ACOT7: variants seen among roughly 807,000 people sequenced by gnomAD.
ACOT7 encodes the protein cytosolic acyl coenzyme A thioester hydrolase.
Under a neutral mutation model 40.2 loss-of-function variants are expected in ACOT7, and 12 were observed. That is an observed-to-expected ratio of 0.30 (90% CI 0.19 to 0.48). The LOEUF is 0.48. Among genes scored for constraint, ACOT7 ranks in the 20% least tolerant of loss-of-function variants. ACOT7 has a pLI of 0.99. For missense variants in ACOT7, 395 were observed against 530.8 expected, an observed-to-expected ratio of 0.74 and a Z score of 2.51; for synonymous variants, 228 against 219.5, an observed-to-expected ratio of 1.04 and a Z score of -0.34.
intron 1 of ACOT7, among the ~76,000 whole-genome samples, chr1:6,366,562 G>A (rs562340624): frequency 1.3e-5 from 2 of 151,548 alleles, no homozygotes; most frequent in East Asian, 1.9e-4. Context: ...ACTCCAGCCC[G>A]GGTGACAGAG....
chr1:6,384,612 G>C (rs1036303625), intron 1 of ACOT7, among the ~76,000 whole-genome samples: 9 of 151,832 alleles, frequency 5.9e-5, no homozygotes, highest in African/African-American at 2.2e-4. Context: ...TTCAAGTAAA[G>C]TCTGGCACTA....
intron 1 of ACOT7, among the ~76,000 whole-genome samples, chr1:6,356,935 A>G (rs1385844295): frequency 7.2e-6 from 1 of 138,978 alleles, no homozygotes; most frequent in Middle Eastern, 4.0e-3. Flanking sequence ...AAAAAAAAGG[A>G]CGACGACGAC....
At position 6,339,550 on chromosome 1, in the gene ACOT7, C is replaced by T. The variant is rs758724954; in HGVS notation, c.301G>A (p.Asp101Asn). ...VAALARVERT[D>N]FLSPMCIGEV... ...CCGATGCACATGGGAGACAGGAAGTCGGTGCGCTCGACACGAGCCAGGGCG... is the reference window on the plus strand; with the variant it reads ...CCGATGCACATGGGAGACAGGAAGTTGGTGCGCTCGACACGAGCCAGGGCG... Residue 101 changes from aspartate to asparagine, a missense_variant, in exon 3 of 9, where the codon GAC becomes AAC. Physicochemically the swap from Asp to Asn is conservative, Grantham distance 23. This residue lies in a region of ACOT7 where 309 missense variants were observed against 470.3 expected (regional missense o/e 0.66). Transcript: ENST00000361521. The T allele has an allele frequency of 2.5e-6, 4 of 1,613,388 alleles. No individual in the cohort carries two copies. The highest frequency in any genetic ancestry group is 2.2e-5 in the East Asian group (1 of 44,886).
At chr1:6,388,046 T>C (rs1175647693) in intron 1 of ACOT7, among the ~76,000 whole-genome samples, 3 of 150,950 alleles carry the variant, frequency 2.0e-5, no homozygotes, top group Non-Finnish European at 4.4e-5. Context: ...GTTCAAGCGA[T>C]TCTCCTGCCT....
rs1490512479 is a variant in ACOT7 at position 6,330,192 on chromosome 1, C to T, written c.511-2779G>A. 6.6e-6 allele frequency among the ~76,000 whole-genome samples: 1 copy of T among 152,240 alleles called. No homozygotes were observed. The highest frequency in any genetic ancestry group is 1.9e-4 in the East Asian group (1 of 5,186). On this transcript the variant is annotated intron_variant, in intron 4 of 8. Transcript: ENST00000361521. The surrounding 1 kb of genome is among the most constrained non-coding windows in gnomAD (Gnocchi z 4.6). Reference sequence around the variant, plus strand: ...TACAGGGACGTACATTTTCCTAAATCGGGGATGGCTGTCTGTAGAAAGGTC... The same window carrying T: ...TACAGGGACGTACATTTTCCTAAATTGGGGATGGCTGTCTGTAGAAAGGTC...
At chr1:6,279,025 A>C (rs1000154940) in intron 8 of ACOT7, among the ~76,000 whole-genome samples, 45 of 152,234 alleles carry the variant, frequency 3.0e-4, no homozygotes, top group African/African-American at 1.1e-3. Flanking sequence ...CAGGACAGAC[A>C]GCAGCCACGC....
At chr1:6,380,144 C>T (rs948046563) in intron 1 of ACOT7, among the ~76,000 whole-genome samples, 10 of 151,708 alleles carry the variant, frequency 6.6e-5, no homozygotes, top group African/African-American at 2.2e-4. Flanking sequence ...AAGAACAAAG[C>T]TGGAAGATTC....
chr1:6,348,344 A>ACACACG (rs1641491639), intron 2 of ACOT7, among the ~76,000 whole-genome samples: 1 of 151,966 alleles, frequency 6.6e-6, no homozygotes, highest in South Asian at 2.1e-4. Context: ...ATACACACAC[A>ACACACG]CACACACGCA....
intron 1 of ACOT7, among the ~76,000 whole-genome samples, chr1:6,363,099 A>G (rs986147109): frequency 6.6e-6 from 1 of 152,210 alleles, no homozygotes; most frequent in African/African-American, 2.4e-5. Flanking sequence ...TTCCAATATT[A>G]TAATAATCCT....
intron 6 of ACOT7, among the ~76,000 whole-genome samples, chr1:6,303,638 C>T (rs1197741367): frequency 1.3e-5 from 2 of 152,150 alleles, no homozygotes; most frequent in Admixed American, 6.5e-5. Context: ...GGAGCGTGGG[C>T]GCCGGCCTCC....
chr1:6,338,365 G>A lies in ACOT7; in HGVS notation c.418+1068C>T, dbSNP rs892531950. On this transcript the variant is annotated intron_variant, in intron 3 of 8. Transcript: ENST00000361521. This position sits in a 1 kb window ranked among gnomAD's most constrained non-coding sequence, Gnocchi z 4.4. ...CCTGAGCCTCTCCCGAGTCGTGGGC[G>A]CTGCTCCTGTTGTGGGAGGTGCCCA... Among the ~76,000 whole-genome samples the A allele has an allele frequency of 2.0e-5, 3 of 152,186 alleles. No homozygotes were observed. The highest frequency in any genetic ancestry group is 1.9e-4 in the East Asian group (1 of 5,184).
chr1:6,378,835 C>A (rs1642283197), intron 1 of ACOT7, among the ~76,000 whole-genome samples: 1 of 151,854 alleles, frequency 6.6e-6, no homozygotes, highest in Non-Finnish European at 1.5e-5. Context: ...TGGACAGGTG[C>A]ACGGCGTGGC....
intron 6 of ACOT7, 171 bp from the exon 7 acceptor site, chr1:6,295,151 A>C: frequency 6.1e-5 from 24 of 392,158 alleles, no homozygotes; most frequent in East Asian, 1.4e-4. Flanking sequence ...CACGCGCTAC[A>C]TGGGGCTTCC....
At chr1:6,320,008 A>G (rs1298670623) in intron 5 of ACOT7, among the ~76,000 whole-genome samples, 1 of 152,214 alleles carries the variant, frequency 6.6e-6, no homozygotes, top group East Asian at 1.9e-4. Flanking sequence ...GGCTGAGGGC[A>G]TGGGGGAAGC....
At chr1:6,310,206 C>G (rs184445078) in intron 6 of ACOT7, among the ~76,000 whole-genome samples, 1 of 152,120 alleles carries the variant, frequency 6.6e-6, no homozygotes, top group Non-Finnish European at 1.5e-5. Flanking sequence ...GAGCTGAGGC[C>G]GTGGGGTCAG....
intron 2 of ACOT7, among the ~76,000 whole-genome samples, chr1:6,344,674 G>C (rs754799437): frequency 7.1e-6 from 1 of 140,144 alleles, no homozygotes; most frequent in Non-Finnish European, 1.5e-5. Context: ...TGAGGCAGGA[G>C]AATCACTTGA....
At chr1:6,324,831 C>G (rs1640753976) in intron 5 of ACOT7, among the ~76,000 whole-genome samples, 1 of 152,246 alleles carries the variant, frequency 6.6e-6, no homozygotes, top group Non-Finnish European at 1.5e-5. Context: ...TTAACCACAT[C>G]TGCAAAGACC....
chr1:6,367,404 G>A (rs1178071974), intron 1 of ACOT7, among the ~76,000 whole-genome samples: 2 of 152,144 alleles, frequency 1.3e-5, no homozygotes, highest in African/African-American at 2.4e-5. Flanking sequence ...GGCAGGCTGC[G>A]CTTGGCTCAT....
intron 1 of ACOT7, among the ~76,000 whole-genome samples, chr1:6,381,074 C>G (rs1642324286): frequency 6.6e-6 from 1 of 151,878 alleles, no homozygotes; most frequent in South Asian, 2.1e-4. Context: ...TATCAAAATA[C>G]CACACTATAC....
Sources: gnomAD v4.1 joint callset for allele counts (sites outside exome capture counted in the v4.1 genomes callset) on GRCh38, gnomAD v4.1.1 for gene constraint, gnomAD v4.1.1 regional missense constraint, Gnocchi (gnomAD v3.1) non-coding constraint, MANE v1.5 for transcripts, NCBI Gene and HGNC (gene_info 2026-07-23, HGNC 2026-07-21) for gene names.